The following PTPRN2 variants were observed in gnomAD, a reference collection of about 807,000 sequenced individuals.
PTPRN2 encodes protein tyrosine phosphatase receptor type N2, also known as receptor-type tyrosine-protein phosphatase N2.
Under a neutral mutation model 118.8 loss-of-function variants are expected in PTPRN2, and 74 were observed. The ratio of observed to expected loss-of-function variants is 0.62; its 90% CI spans 0.52 to 0.76. The LOEUF is 0.76. Among genes scored for constraint, PTPRN2 ranks in the 30% least tolerant of loss-of-function variants. PTPRN2 has a pLI of 0.00. For missense variants in PTPRN2, 1,481 were observed against 1,394.4 expected (o/e 1.06, Z -0.99); for synonymous variants, 641 against 608.0 (o/e 1.05, Z -0.80).
At chr7:158,479,468 T>G (rs567794313) in intron 2 of PTPRN2, among the ~76,000 whole-genome samples, 1 of 152,238 alleles carries the variant, frequency 6.6e-6, no homozygotes, top group African/African-American at 2.4e-5. Context: ...TTTTCATGAT[T>G]AGCAATCACA....
chr7:158,270,625 C>G (rs182079655), intron 3 of PTPRN2, among the ~76,000 whole-genome samples: 3 of 152,036 alleles, frequency 2.0e-5, no homozygotes, highest in Non-Finnish European at 4.4e-5. Context: ...GGGAAGGTTT[C>G]GACCACTGTT....
chr7:158,132,841 T>TAC (rs144989357), intron 9 of PTPRN2, among the ~76,000 whole-genome samples: 1 of 146,070 alleles, frequency 6.8e-6, no homozygotes, highest in Non-Finnish European at 1.5e-5. Flanking sequence ...TACACACTCA[T>TAC]ACACACACAC....
At chr7:158,185,797 G>C (rs1482681636) in intron 5 of PTPRN2, among the ~76,000 whole-genome samples, 3 of 152,188 alleles carry the variant, frequency 2.0e-5, no homozygotes, top group Non-Finnish European at 4.4e-5. Flanking sequence ...CAGCCGCCAG[G>C]TTTCTGAACC....
At chr7:158,184,264 ATTAAT>A (rs1387986584) in intron 5 of PTPRN2, among the ~76,000 whole-genome samples, 4 of 152,158 alleles carry the variant, frequency 2.6e-5, no homozygotes, top group Non-Finnish European at 5.9e-5. Context: ...ATATATCACC[ATTAAT>A]TTGTCTTATT....
At chr7:157,840,408 G>A (rs1320527038) in intron 12 of PTPRN2, among the ~76,000 whole-genome samples, 1 of 138,638 alleles carries the variant, frequency 7.2e-6, no homozygotes, top group Non-Finnish European at 1.6e-5. Context: ...GACCGTGTGT[G>A]ACTGTGTGAC....
chr7:157,609,646 C>G lies in PTPRN2; in HGVS notation c.2345-5571G>C, dbSNP rs1802213763. On this transcript the variant is annotated intron_variant, in intron 15 of 22. Coordinates refer to ENST00000389418, the MANE Select transcript of PTPRN2 (RefSeq NM_002847.5). The surrounding 1 kb of genome is among the most constrained non-coding windows in gnomAD (Gnocchi z 4.9). ...CCCCACTGCTTGCCAGCGGGCGATC[C>G]TGGGTAAACTGTTCAGTGTTCGGAG... Among the ~76,000 whole-genome samples the G allele has an allele frequency of 1.3e-5, 2 of 152,166 alleles. No homozygotes were observed. Among genetic ancestry groups the G allele is most frequent in the South Asian group, 4.1e-4 (2 of 4,830 alleles).
Position 158,110,817 on chromosome 7 carries a change from C to T in PTPRN2, c.1643+12G>A, listed in dbSNP as rs1391145681. On this transcript the variant is annotated intron_variant, in intron 10 of 22. Coordinates refer to ENST00000389418, the MANE Select transcript of PTPRN2 (RefSeq NM_002847.5). ...CAGGAGCCAAACAGAAACCCCAGGG[C>T]CCCGTACTTACTCCACGTCAGCGAA... 4 of 1,573,504 alleles carry T rather than the reference C, an allele frequency of 2.5e-6. No homozygotes were observed. Among genetic ancestry groups the T allele is most frequent in the African/African-American group, 2.7e-5 (2 of 74,144 alleles).
rs1465101522 is a variant in PTPRN2 at position 157,674,777 on chromosome 7, C to T, written c.2001+7948G>A. Reference sequence around the variant, plus strand: ...GTGGAGTCCCACCCTGTCGTGTGCACGAGGCTGTCACCTGGAGATTCCGGC... The same window carrying T: ...GTGGAGTCCCACCCTGTCGTGTGCATGAGGCTGTCACCTGGAGATTCCGGC... On this transcript the variant is annotated intron_variant, in intron 13 of 22. Coordinates refer to ENST00000389418, the MANE Select transcript of PTPRN2 (RefSeq NM_002847.5). This position sits in a 1 kb window ranked among gnomAD's most constrained non-coding sequence, Gnocchi z 4.5. 3.3e-5 allele frequency among the ~76,000 whole-genome samples: 5 copies of T among 152,240 alleles called. No individual in the cohort carries two copies. The highest frequency in any genetic ancestry group is 7.3e-5 in the Non-Finnish European group (5 of 68,044).
chr7:158,127,793 TC>T (rs1431180319), intron 9 of PTPRN2, among the ~76,000 whole-genome samples: 1 of 152,162 alleles, frequency 6.6e-6, no homozygotes, highest in Admixed American at 6.5e-5. Flanking sequence ...GGCTCCCTCC[TC>T]CCTATACCTG....
At chr7:158,470,248 C>T (rs946844261) in intron 2 of PTPRN2, among the ~76,000 whole-genome samples, 3 of 152,184 alleles carry the variant, frequency 2.0e-5, no homozygotes, top group African/African-American at 7.2e-5. Flanking sequence ...AAACTAAGGC[C>T]GACCAATAGG....
At chr7:158,158,249 G>C (rs1439887650) in intron 6 of PTPRN2, among the ~76,000 whole-genome samples, 1 of 152,222 alleles carries the variant, frequency 6.6e-6, no homozygotes, top group Non-Finnish European at 1.5e-5. Context: ...AGTTATTTCT[G>C]TGTTATAATC....
intron 11 of PTPRN2, among the ~76,000 whole-genome samples, chr7:157,912,258 A>G (rs975288157): frequency 3.3e-5 from 5 of 152,226 alleles, no homozygotes; most frequent in African/African-American, 7.2e-5. Context: ...TCCAATGTGC[A>G]TGTCTTTGAT....
At chr7:157,889,270 CT>C (rs1223867770) in intron 12 of PTPRN2, among the ~76,000 whole-genome samples, 1 of 150,978 alleles carries the variant, frequency 6.6e-6, no homozygotes, top group African/African-American at 2.4e-5. Flanking sequence ...ACCAGGCTTC[CT>C]TCCCTGGGTT....
At chr7:158,161,144 C>T (rs548928557) in intron 6 of PTPRN2, among the ~76,000 whole-genome samples, 2 of 152,306 alleles carry the variant, frequency 1.3e-5, no homozygotes, top group East Asian at 3.9e-4. Flanking sequence ...CATGTCAGTT[C>T]TCCAACTTGA....
At chr7:157,748,130 C>G (rs111624720) in intron 12 of PTPRN2, among the ~76,000 whole-genome samples, 1 of 141,682 alleles carries the variant, frequency 7.1e-6, no homozygotes, top group Non-Finnish European at 1.5e-5. Context: ...TGTCTGGTGT[C>G]TGGGTGATTC....
chr7:157,945,737 AAT>A (rs1800444824), intron 11 of PTPRN2, among the ~76,000 whole-genome samples: 3 of 43,780 alleles, frequency 6.9e-5, no homozygotes, highest in African/African-American at 3.3e-4. Context: ...CAGCTTGGAC[AAT>A]GCCACCTCCA....
intron 3 of PTPRN2, among the ~76,000 whole-genome samples, chr7:158,242,979 T>A (rs896086094): frequency 1.3e-5 from 2 of 152,254 alleles, no homozygotes; most frequent in Non-Finnish European, 2.9e-5. Flanking sequence ...CCAATTTTGA[T>A]GATCTTTCCT....
chr7:158,381,662 T>A (rs971911697), intron 2 of PTPRN2, among the ~76,000 whole-genome samples: 1 of 152,182 alleles, frequency 6.6e-6, no homozygotes, highest in African/African-American at 2.4e-5. Flanking sequence ...TTTGGTTATC[T>A]ACAGCAGTGC....
rs1021787940 is a variant in PTPRN2, at chr7:158,438,596, A to G, written c.163+51139T>C. Among the ~76,000 whole-genome samples the G allele has an allele frequency of 2.0e-5, 3 of 152,150 alleles. No individual in the cohort carries two copies. Among genetic ancestry groups the G allele is most frequent in the African/African-American group, 7.2e-5 (3 of 41,450 alleles). On this transcript the variant is annotated intron_variant, in intron 2 of 22. Transcript: ENST00000389418. The surrounding 1 kb of genome is among the most constrained non-coding windows in gnomAD (Gnocchi z 4.7). The stretch of plus-strand genomic sequence containing the variant: ...TGTTCCCCACAGGAAATCTGATCCG[A>G]TGCAAACAGATCATTATAGCCAAGA...
Sources: allele counts gnomAD v4.1 joint callset (sites outside exome capture counted in the v4.1 genomes callset), GRCh38; gene constraint gnomAD v4.1.1; non-coding constraint Gnocchi (gnomAD v3.1); transcripts MANE v1.5; gene names NCBI Gene and HGNC (gene_info 2026-07-23, HGNC 2026-07-21).